Variants in GPC5 observed in about 807,000 individuals in gnomAD.
GPC5 encodes glypican-5.
A neutral mutation model predicts 53.9 loss-of-function variants in GPC5; 47 were observed. The ratio of observed to expected loss-of-function variants is 0.87; its 90% CI spans 0.69 to 1.11. The LOEUF (loss-of-function observed/expected upper bound fraction) is 1.11, where lower values mean the gene tolerates loss of function less well. GPC5 is among the 50% of genes most tolerant of loss of function. GPC5 has a pLI of 0.00. For missense variants in GPC5, 748 were observed against 713.1 expected, an observed-to-expected ratio of 1.05 and a Z score of -0.56; for synonymous variants, 286 against 263.3, an observed-to-expected ratio of 1.09 and a Z score of -0.84.
chr13:91,782,943 A>T (rs2037820657), intron 5 of GPC5, among the ~76,000 whole-genome samples: 1 of 152,178 alleles, frequency 6.6e-6, no homozygotes, highest in Non-Finnish European at 1.5e-5. Context: ...CTCATTAAGA[A>T]AAATAAAAGT....
chr13:92,024,210 C>T (rs2040782631), intron 6 of GPC5, among the ~76,000 whole-genome samples: 1 of 152,082 alleles, frequency 6.6e-6, no homozygotes. Flanking sequence ...CATCCATTTT[C>T]ACTCATATTA....
intron 6 of GPC5, among the ~76,000 whole-genome samples, chr13:91,969,584 A>G (rs1311465361): frequency 6.6e-6 from 1 of 152,178 alleles, no homozygotes; most frequent in African/African-American, 2.4e-5. Flanking sequence ...TGAAAGGGCA[A>G]CCTATGGAAG....
At chr13:92,036,586 C>T (rs1224028863) in intron 6 of GPC5, among the ~76,000 whole-genome samples, 9 of 152,140 alleles carry the variant, frequency 5.9e-5, no homozygotes, top group Non-Finnish European at 2.9e-5. Context: ...GATTTTGCTT[C>T]AAACTTTATT....
chr13:91,435,382 GT>G (rs1879853032), intron 1 of GPC5, among the ~76,000 whole-genome samples: 1 of 152,150 alleles, frequency 6.6e-6, no homozygotes, highest in Non-Finnish European at 1.5e-5. Flanking sequence ...TTTATTGAGA[GT>G]TTTTAGCATG....
At position 92,494,669 on chromosome 13, in the gene GPC5, T is replaced by A. The variant is rs111740019; in HGVS notation, c.1561+349680T>A. 2.3e-3 allele frequency among the ~76,000 whole-genome samples: 356 copies of A among 152,320 alleles called. 2 individuals are homozygous for A. The highest frequency in any genetic ancestry group is 8.3e-3 in the African/African-American group (347 of 41,588). ...AATATATATTGCATTAGTTTATTTT[T>A]AAATTATTTTTAATATTTTGACTTT... On this transcript the variant is annotated intron_variant, in intron 7 of 7. Coordinates refer to ENST00000377067, the MANE Select transcript of GPC5 (RefSeq NM_004466.6).
At chr13:91,567,472 C>T (rs1179770897) in intron 2 of GPC5, among the ~76,000 whole-genome samples, 2 of 152,142 alleles carry the variant, frequency 1.3e-5, no homozygotes, top group South Asian at 2.1e-4. Context: ...ATAATTGCAA[C>T]TCAGGTACAC....
chr13:92,546,335 C>G (rs1882110616), intron 7 of GPC5, among the ~76,000 whole-genome samples: 1 of 152,118 alleles, frequency 6.6e-6, no homozygotes. Context: ...ATAAAAAAAT[C>G]AATGTGCAAA....
intron 7 of GPC5, among the ~76,000 whole-genome samples, chr13:92,531,631 A>G (rs1479004877): frequency 6.6e-6 from 1 of 152,066 alleles, no homozygotes; most frequent in East Asian, 1.9e-4. Flanking sequence ...CCCACACCAC[A>G]TGCTCTGCCT....
At chr13:91,751,698 A>G (rs1305137293) in intron 4 of GPC5, among the ~76,000 whole-genome samples, 1 of 152,222 alleles carries the variant, frequency 6.6e-6, no homozygotes, top group Non-Finnish European at 1.5e-5. Flanking sequence ...TAGACTCTCC[A>G]GAAACAAGCT....
intron 7 of GPC5, among the ~76,000 whole-genome samples, chr13:92,263,239 T>A (rs868414557): frequency 2.0e-5 from 3 of 152,168 alleles, no homozygotes; most frequent in Admixed American, 1.3e-4. Flanking sequence ...CATGTGTAAA[T>A]CATGTGAATA....
chr13:91,982,341 A>G (rs146358435), intron 6 of GPC5, among the ~76,000 whole-genome samples: 1 of 152,362 alleles, frequency 6.6e-6, no homozygotes, highest in East Asian at 1.9e-4. Context: ...TATTTGACAT[A>G]GCAAAAGACT....
At chr13:92,176,903 G>C (rs2042112778) in intron 7 of GPC5, among the ~76,000 whole-genome samples, 1 of 152,040 alleles carries the variant, frequency 6.6e-6, no homozygotes. Context: ...CCCTTCATCA[G>C]TCATTAACTA....
At chr13:91,863,545 T>G (rs1327690815) in intron 5 of GPC5, among the ~76,000 whole-genome samples, 1 of 152,068 alleles carries the variant, frequency 6.6e-6, no homozygotes, top group East Asian at 1.9e-4. Flanking sequence ...CAAAATTGTC[T>G]CTCTCTCACT....
intron 7 of GPC5, among the ~76,000 whole-genome samples, chr13:92,490,865 A>G (rs1054635706): frequency 1.3e-5 from 2 of 152,126 alleles, no homozygotes; most frequent in African/African-American, 4.8e-5. Flanking sequence ...CAAGCTAATT[A>G]TTGGAGGCAA....
chr13:92,285,736 T>G (rs1223162033), intron 7 of GPC5, among the ~76,000 whole-genome samples: 1 of 152,096 alleles, frequency 6.6e-6, no homozygotes, highest in Non-Finnish European at 1.5e-5. Flanking sequence ...ATACAAAAAT[T>G]AATTCAAGAT....
intron 2 of GPC5, among the ~76,000 whole-genome samples, chr13:91,619,137 A>G (rs988542690): frequency 6.6e-6 from 1 of 152,088 alleles, no homozygotes; most frequent in African/African-American, 2.4e-5. Context: ...GGAATATTAC[A>G]GATCGCTTAA....
intron 5 of GPC5, among the ~76,000 whole-genome samples, chr13:91,759,657 C>A (rs1221123013): frequency 6.6e-6 from 1 of 152,002 alleles, no homozygotes; most frequent in East Asian, 1.9e-4. Flanking sequence ...TTATTTCACT[C>A]AACATAATGG....
intron 5 of GPC5, among the ~76,000 whole-genome samples, chr13:91,856,192 T>G (rs2038964960): frequency 6.6e-6 from 1 of 151,622 alleles, no homozygotes; most frequent in African/African-American, 2.4e-5. Context: ...TATTCCATTG[T>G]GTAGATATAC....
intron 7 of GPC5, among the ~76,000 whole-genome samples, chr13:92,264,753 A>G (rs78288241): frequency 0.015 from 2,338 of 151,586 alleles, 74 homozygotes; most frequent in African/African-American, 0.053. Context: ...TTTTGTTACT[A>G]ATTTATAGCT....
Sources: gnomAD v4.1 joint callset for allele counts (sites outside exome capture counted in the v4.1 genomes callset) on GRCh38, gnomAD v4.1.1 for gene constraint, MANE v1.5 for transcripts, NCBI Gene and HGNC (gene_info 2026-07-23, HGNC 2026-07-21) for gene names.